The following GAPVD1 variants were observed in gnomAD, a reference collection of about 807,000 sequenced individuals.
GAPVD1 encodes the protein GTPase activating protein and VPS9 domains 1, also known as GTPase-activating protein and VPS9 domain-containing protein 1.
GAPVD1 carries 35 observed loss-of-function variants against 155.5 expected under a neutral mutation model. That is an observed-to-expected ratio of 0.23 (90% CI 0.17 to 0.30). The LOEUF is 0.30. Ranked by LOEUF, GAPVD1 falls within the 10% of genes least tolerant of loss-of-function variation. The pLI is 1.00. For synonymous variants in GAPVD1, 636 were observed against 619.7 expected (o/e 1.03, Z -0.39); for missense variants, 1,429 against 1,775.7 (o/e 0.80, Z 3.51).
chr9:125,262,030 C>G (rs1168486622), intron 1 of GAPVD1, 71 bp downstream of exon 1: 2 of 152,558 alleles, frequency 1.3e-5, no homozygotes, highest in African/African-American at 2.4e-5. Flanking sequence ...TTGCTCCGGC[C>G]TAGGGCCGCA....
intron 4 of GAPVD1, among the ~76,000 whole-genome samples, chr9:125,300,314 TG>T (rs1419739887): frequency 6.7e-6 from 1 of 150,020 alleles, no homozygotes; most frequent in East Asian, 2.0e-4. Context: ...CCTGAGTAGC[TG>T]GGATTACAGA....
chr9:125,317,624 TC>T (rs904241859), intron 9 of GAPVD1, among the ~76,000 whole-genome samples: 5 of 108,690 alleles, frequency 4.6e-5, no homozygotes, highest in African/African-American at 1.7e-4. Flanking sequence ...AAACTCTGTC[TC>T]AAAAAAAAAA....
chr9:125,266,650 T>G (rs1834024614), intron 1 of GAPVD1, among the ~76,000 whole-genome samples: 1 of 152,158 alleles, frequency 6.6e-6, no homozygotes, highest in Non-Finnish European at 1.5e-5. Context: ...TCTATACTTT[T>G]TTTTTGAGAC....
intron 15 of GAPVD1, among the ~76,000 whole-genome samples, chr9:125,334,784 G>T (rs1232673390): frequency 7.3e-6 from 1 of 137,014 alleles, no homozygotes; most frequent in Non-Finnish European, 1.6e-5. Flanking sequence ...GCGCATGCCT[G>T]TGGTCCCATC....
In GAPVD1 at chr9:125,362,586, T is replaced by G; in HGVS notation, c.4243-20T>G. The G allele has an allele frequency of 6.4e-7, 1 of 1,574,474 alleles. No homozygotes were observed. The highest frequency in any genetic ancestry group is 1.2e-5 in the South Asian group (1 of 84,358). ...ATGACATCTGAGTAATTGATTCTTT[T>G]TTATTTTTCACTTCTCTAGGCAAAT... On this transcript the variant is annotated intron_variant, in intron 27 of 27. Transcript: ENST00000297933.
rs1847817164 is a variant in GAPVD1, at chr9:125,341,281, T to C, written c.2965+17T>C. ...TGCCTAAAGGTAATTTTATAAAATA[T>C]TAGAACGCTGTATTAGCAATAAGAA... On this transcript the variant is annotated intron_variant, in intron 18 of 27. Transcript: ENST00000297933. 5.5e-6 allele frequency: 7 copies of C among 1,262,930 alleles called. No individual in the cohort carries two copies. The highest frequency in any genetic ancestry group is 1.9e-4 in the Middle Eastern group (1 of 5,300). 78.2% of individuals were successfully genotyped at this position (1,262,930 alleles called of 1,614,324 possible).
In GAPVD1 at chr9:125,332,538, C is replaced by T; in HGVS notation, c.2337C>T (p.Pro779=). Reference sequence around the variant, plus strand: ...TAAGTGCAACCTCTGAGGATATTCCCAATAAGATTGAAGACCTGAGATCTG... The same window carrying T: ...TAAGTGCAACCTCTGAGGATATTCCTAATAAGATTGAAGACCTGAGATCTG... ...SGISATSEDI[P]NKIEDLRSEC... is the part of the protein sequence containing the mutation. The change falls in exon 15 of 28, where the codon CCC becomes CCT. Residue 779 remains proline, a synonymous_variant. Transcript: ENST00000297933. 6.2e-7 allele frequency: 1 copy of T among 1,606,030 alleles called. No homozygotes were observed.
chr9:125,325,099 C>T (rs1304892100), intron 11 of GAPVD1, among the ~76,000 whole-genome samples: 1 of 151,974 alleles, frequency 6.6e-6, no homozygotes, highest in Non-Finnish European at 1.5e-5. Context: ...GTGGTGAGCA[C>T]CTGTAATCCC....
chr9:125,342,618 TGTG>T (rs1402979589), intron 19 of GAPVD1, among the ~76,000 whole-genome samples: 1 of 152,200 alleles, frequency 6.6e-6, no homozygotes, highest in African/African-American at 2.4e-5. Flanking sequence ...TTTAGGAAAG[TGTG>T]GTGACAGTTT....
chr9:125,362,902 C>T lies in GAPVD1; in HGVS notation c.*156C>T, dbSNP rs534255571. The T allele has an allele frequency of 4.8e-5, 24 of 498,166 alleles. No individual in the cohort carries two copies. The highest frequency in any genetic ancestry group is 5.4e-4 in the Middle Eastern group (1 of 1,844). 30.9% of individuals were successfully genotyped at this position (498,166 alleles called of 1,614,324 possible). On this transcript the variant is annotated 3_prime_UTR_variant, in exon 28 of 28. Coordinates refer to ENST00000297933, the MANE Select transcript of GAPVD1 (RefSeq NM_001282680.3). ...GATCTTTACTAAACAGGTTAATGAG[C>T]TAACAAGCAGGTTCTCTCGTCTTTG...
chr9:125,348,511 T>G (rs1848847682), intron 20 of GAPVD1, among the ~76,000 whole-genome samples: 1 of 152,050 alleles, frequency 6.6e-6, no homozygotes, highest in Non-Finnish European at 1.5e-5. Context: ...ATATGTTCTT[T>G]TGTGTGTGTG....
intron 6 of GAPVD1, among the ~76,000 whole-genome samples, chr9:125,305,949 G>T (rs905336184): frequency 6.6e-6 from 1 of 152,114 alleles, no homozygotes; most frequent in Non-Finnish European, 1.5e-5. Context: ...CACCATGCCT[G>T]GTCGATAATT....
At chr9:125,346,615 C>T (rs548815818) in intron 19 of GAPVD1, 1 of 607,942 alleles carries the variant, frequency 1.6e-6, no homozygotes, top group South Asian at 1.9e-5. Flanking sequence ...AGCTACTCTT[C>T]CCAATTTCCT....
chr9:125,273,876 C>G (rs759117798), intron 2 of GAPVD1, among the ~76,000 whole-genome samples: 49 of 152,024 alleles, frequency 3.2e-4, no homozygotes, highest in Admixed American at 2.6e-3. Context: ...ACTTGGCTGT[C>G]ATGGCACAGA....
Position 125,302,479 on chromosome 9 carries a change from C to T in GAPVD1, c.682C>T (p.Pro228Ser). Residue 228 changes from proline (P) to serine (S), a missense_variant, in exon 5 of 28, where the codon CCA becomes TCA. By Grantham distance (74) the Pro-to-Ser change is moderately conservative. Coordinates refer to ENST00000297933, the MANE Select transcript of GAPVD1 (RefSeq NM_001282680.3). ...AAACAAGCTAATTGAGAGGTTCTCT[C>T]CATCTCAGCAGGAAAAACTCTTTGG... ...DPNKLIERFS[P>S]SQQEKLFGEK... is the part of the protein sequence containing the mutation. 1 of 1,613,644 alleles carries T rather than the reference C, an allele frequency of 6.2e-7. No homozygotes were observed. The highest frequency in any genetic ancestry group is 8.5e-7 in the Non-Finnish European group (1 of 1,179,854).
At chr9:125,347,040 G>A (rs766633666) in intron 20 of GAPVD1, 99 bp downstream of exon 20, 1 of 1,202,624 alleles carries the variant, frequency 8.3e-7, no homozygotes, top group Non-Finnish European at 1.2e-6. Context: ...ATAGCTAAGG[G>A]AGTCAGTTTA....
chr9:125,304,646 A>G (rs1333599320), intron 5 of GAPVD1, among the ~76,000 whole-genome samples: 1 of 152,208 alleles, frequency 6.6e-6, no homozygotes, highest in Non-Finnish European at 1.5e-5. Context: ...CTAGGGAAAA[A>G]ATTATACCTT....
At chr9:125,314,715 T>A (rs1843141373) in intron 9 of GAPVD1, among the ~76,000 whole-genome samples, 1 of 150,302 alleles carries the variant, frequency 6.7e-6, no homozygotes, top group Non-Finnish European at 1.5e-5. Context: ...GAAGAAGAAA[T>A]CTTGACTCCC....
intron 1 of GAPVD1, among the ~76,000 whole-genome samples, chr9:125,264,910 G>C (rs1224434857): frequency 6.6e-6 from 1 of 151,996 alleles, no homozygotes; most frequent in Non-Finnish European, 1.5e-5. Flanking sequence ...TAGAAACGGG[G>C]TTTCACCATG....
Sources: allele counts gnomAD v4.1 joint callset (sites outside exome capture counted in the v4.1 genomes callset), GRCh38; gene constraint gnomAD v4.1.1; transcripts MANE v1.5; gene names NCBI Gene and HGNC (gene_info 2026-07-23, HGNC 2026-07-21).